Variants in YPEL2 observed in about 807,000 individuals in gnomAD.
The protein encoded by YPEL2 is yippee like 2.
YPEL2 carries 2 observed loss-of-function variants against 19.1 expected under a neutral mutation model. The observed-to-expected ratio is 0.10, with a 90% CI of 0.04 to 0.33. YPEL2 has a LOEUF of 0.33. YPEL2 is among the 10% of genes least tolerant of loss of function. YPEL2 has a pLI of 1.00. For missense variants in YPEL2, 66 were observed against 140.7 expected, an observed-to-expected ratio of 0.47 and a Z score of 2.68; for synonymous variants, 52 against 50.0, an observed-to-expected ratio of 1.04 and a Z score of -0.17.
chr17:59,380,722 C>A (rs541716926), intron 2 of YPEL2, among the ~76,000 whole-genome samples: 5 of 152,328 alleles, frequency 3.3e-5, no homozygotes, highest in Non-Finnish European at 7.3e-5. Context: ...CATACCCTGG[C>A]AATATGACTC....
Position 59,397,401 on chromosome 17 carries a change from TC to T in YPEL2, c.*213del, listed in dbSNP as rs1366420593. 2.5e-6 allele frequency: 1 copy of T among 394,300 alleles called. No individual in the cohort carries two copies. The highest frequency in any genetic ancestry group is 3.9e-5 in the East Asian group (1 of 25,788). The allele number at this position is 394,300 out of a possible 1,614,324, so 24.4% of individuals were successfully genotyped here. A position where few individuals can be genotyped will look rare whatever the true frequency, so the allele number is the denominator to read the frequency against. On this transcript the variant is annotated 3_prime_UTR_variant, in exon 5 of 5. Transcript: ENST00000312655. ...TGCTTTGTATCTGTTTGTGAGTTGATCCTGGCTTCTCTCTCTGTTCTAGTTT... is the reference window on the plus strand; with the variant it reads ...TGCTTTGTATCTGTTTGTGAGTTGATCTGGCTTCTCTCTCTGTTCTAGTTT...
At chr17:59,340,642 C>T (rs1198311388) in intron 1 of YPEL2, among the ~76,000 whole-genome samples, 1 of 151,230 alleles carries the variant, frequency 6.6e-6, no homozygotes, top group African/African-American at 2.4e-5. Context: ...ATCTCGAACT[C>T]CTGACCTTGT....
rs199682921 is a variant in YPEL2 at position 59,364,466 on chromosome 17, T to A, written c.117+10940T>A. On this transcript the variant is annotated intron_variant, in intron 2 of 4. Transcript: ENST00000312655. ...GTTAGACTGTCTTTAAAGTTCCTTC[T>A]ACTTCCCCCCTGCGTCTTCTGAGTC... Among the ~76,000 whole-genome samples, 245 of 152,324 alleles carry A rather than the reference T, an allele frequency of 1.6e-3. 7 individuals are homozygous for A. The East Asian group carries it at 0.031, about 19-fold the overall frequency.
intron 1 of YPEL2, among the ~76,000 whole-genome samples, chr17:59,342,029 A>T (rs2047734010): frequency 6.6e-6 from 1 of 152,222 alleles, no homozygotes; most frequent in South Asian, 2.1e-4. Context: ...TTCAGTTTTT[A>T]AAAAGTTCAA....
intron 2 of YPEL2, among the ~76,000 whole-genome samples, chr17:59,358,783 A>G (rs906695712): frequency 2.1e-4 from 31 of 150,080 alleles, no homozygotes; most frequent in African/African-American, 7.4e-4. Flanking sequence ...CTAATTTTGT[A>G]TTTTTACTGA....
intron 2 of YPEL2, among the ~76,000 whole-genome samples, chr17:59,381,554 TG>T (rs1317958006): frequency 3.9e-5 from 6 of 152,300 alleles, no homozygotes; most frequent in South Asian, 2.1e-4. Context: ...CATTTTTCAG[TG>T]GTTCTCCTAC....
At chr17:59,373,738 G>A (rs1057267641) in intron 2 of YPEL2, among the ~76,000 whole-genome samples, 10 of 152,110 alleles carry the variant, frequency 6.6e-5, no homozygotes, top group African/African-American at 1.9e-4. Flanking sequence ...ATCAGAGATC[G>A]CTTTAGTGGG....
intron 1 of YPEL2, among the ~76,000 whole-genome samples, chr17:59,352,985 A>G (rs1301699152): frequency 6.6e-6 from 1 of 151,998 alleles, no homozygotes; most frequent in Non-Finnish European, 1.5e-5. Flanking sequence ...GTCTAATGAA[A>G]CTGCTGGGAT....
chr17:59,341,062 T>C (rs187540780), intron 1 of YPEL2, among the ~76,000 whole-genome samples: 6,406 of 146,450 alleles, frequency 0.044, 488 homozygotes, highest in African/African-American at 0.15. Context: ...CGGTGGCTCA[T>C]GCCTGTAATC....
At chr17:59,342,535 C>CT (rs1346348433) in intron 1 of YPEL2, among the ~76,000 whole-genome samples, 1 of 152,150 alleles carries the variant, frequency 6.6e-6, no homozygotes, top group East Asian at 1.9e-4. Flanking sequence ...TTTCATTATA[C>CT]TTTAAGTATA....
At chr17:59,347,763 C>A (rs532225479) in intron 1 of YPEL2, among the ~76,000 whole-genome samples, 1 of 152,210 alleles carries the variant, frequency 6.6e-6, no homozygotes, top group Non-Finnish European at 1.5e-5. Flanking sequence ...CAAAGAGATG[C>A]TTGAAGACAA....
chr17:59,378,692 T>TG (rs2047934411), intron 2 of YPEL2, among the ~76,000 whole-genome samples: 1 of 152,170 alleles, frequency 6.6e-6, no homozygotes, highest in South Asian at 2.1e-4. Context: ...CACCACCTTT[T>TG]GTTTTTGTAG....
intron 1 of YPEL2, among the ~76,000 whole-genome samples, chr17:59,344,818 C>T (rs1437520724): frequency 1.3e-5 from 2 of 152,270 alleles, no homozygotes; most frequent in South Asian, 2.1e-4. Context: ...TTTTTGTTAC[C>T]GAAAATCCTG....
intron 1 of YPEL2, among the ~76,000 whole-genome samples, chr17:59,340,737 G>A (rs543063938): frequency 2.2e-5 from 3 of 138,090 alleles, no homozygotes; most frequent in African/African-American, 8.2e-5. Context: ...TTTTGAAATG[G>A]CGATGTCTTG....
At chr17:59,393,497 TTTTA>T (rs1040357197) in intron 4 of YPEL2, among the ~76,000 whole-genome samples, 5 of 150,012 alleles carry the variant, frequency 3.3e-5, no homozygotes, top group South Asian at 2.1e-4. Flanking sequence ...TTATTTTATT[TTTTA>T]TTTTTTTATT....
intron 1 of YPEL2, among the ~76,000 whole-genome samples, chr17:59,346,284 TAAAGTTAGCACAAG>T: frequency 6.6e-6 from 1 of 152,316 alleles, no homozygotes; most frequent in South Asian, 2.1e-4. Context: ...CTCCCGTCCT[TAAAGTTAGCACAAG>T]GTCCCTTTCA....
chr17:59,334,138 G>A (rs924961154), intron 1 of YPEL2, among the ~76,000 whole-genome samples: 11 of 152,178 alleles, frequency 7.2e-5, no homozygotes, highest in African/African-American at 2.7e-4. Flanking sequence ...TGTGTACCAG[G>A]AGATGTTTCT....
In YPEL2 at chr17:59,353,649, C is replaced by G. The variant is rs764648372; in HGVS notation, c.117+123C>G. 2 of 777,926 alleles carry G rather than the reference C, an allele frequency of 2.6e-6. No individual in the cohort carries two copies. Among genetic ancestry groups the G allele is most frequent in the Non-Finnish European group, 4.6e-6 (2 of 436,980 alleles). The allele number at this position is 777,926 out of a possible 1,614,324, so 48.2% of individuals were successfully genotyped here. A position where few individuals can be genotyped will look rare whatever the true frequency, so the allele number is the denominator to read the frequency against. ...TCCATCTTTGTACAGGGAGGGCTGACCCACGTGACCGTCTCACTCAACTGA... is the reference window on the plus strand; with the variant it reads ...TCCATCTTTGTACAGGGAGGGCTGAGCCACGTGACCGTCTCACTCAACTGA... On this transcript the variant is annotated intron_variant, in intron 2 of 4. Transcript: ENST00000312655. The surrounding 1 kb of genome is among the most constrained non-coding windows in gnomAD (Gnocchi z 4.8).
chr17:59,339,359 T>C (rs2147933687), intron 1 of YPEL2, among the ~76,000 whole-genome samples: 1 of 152,328 alleles, frequency 6.6e-6, no homozygotes, highest in African/African-American at 2.4e-5. Flanking sequence ...ATCCCCACAC[T>C]TAACTGCAGC....
Sources: allele counts gnomAD v4.1 joint callset (sites outside exome capture counted in the v4.1 genomes callset), GRCh38; gene constraint gnomAD v4.1.1; non-coding constraint Gnocchi (gnomAD v3.1); transcripts MANE v1.5; gene names NCBI Gene and HGNC (gene_info 2026-07-23, HGNC 2026-07-21).